Variants in PIBF1 observed in about 807,000 individuals in gnomAD.
The protein encoded by PIBF1 is progesterone-induced-blocking factor 1.
In PIBF1, 90 loss-of-function variants were observed where a neutral mutation model predicts 112.5. The observed-to-expected ratio is 0.80, with a 90% CI of 0.67 to 0.95. PIBF1 has a LOEUF of 0.95. Among genes scored for constraint, PIBF1 ranks in the 40% least tolerant of loss-of-function variants. The pLI is 0.00. For synonymous variants in PIBF1, 301 were observed against 288.6 expected (o/e 1.04, Z -0.44); for missense variants, 915 against 852.3 (o/e 1.07, Z -0.92).
At chr13:72,812,297 G>T (rs2036058500) in intron 5 of PIBF1, among the ~76,000 whole-genome samples, 1 of 152,000 alleles carries the variant, frequency 6.6e-6, no homozygotes, top group African/African-American at 2.4e-5. Flanking sequence ...TTTTTTTAAT[G>T]ACCTCAGAAA....
intron 17 of PIBF1, among the ~76,000 whole-genome samples, chr13:73,013,326 A>AAG (rs2044274153): frequency 6.7e-6 from 1 of 149,454 alleles, no homozygotes; most frequent in African/African-American, 2.5e-5. Flanking sequence ...AAAAAAAAAA[A>AAG]GAAAATATTA....
intron 17 of PIBF1, among the ~76,000 whole-genome samples, chr13:73,007,968 A>AT (rs1196201482): frequency 6.6e-6 from 1 of 152,224 alleles, no homozygotes; most frequent in Non-Finnish European, 1.5e-5. Flanking sequence ...TGGCTAGCAC[A>AT]TTACTGACTA....
At chr13:72,807,865 A>G (rs2035814642) in intron 5 of PIBF1, among the ~76,000 whole-genome samples, 1 of 152,228 alleles carries the variant, frequency 6.6e-6, no homozygotes, top group African/African-American at 2.4e-5. Context: ...TTTCACAATG[A>G]CACCAGTATA....
Position 72,956,750 on chromosome 13 carries a change from G to A in PIBF1, c.1834-8524G>A, listed in dbSNP as rs566619286. On this transcript the variant is annotated intron_variant, in intron 14 of 17. Coordinates refer to ENST00000326291, the MANE Select transcript of PIBF1 (RefSeq NM_006346.4). ...TTTTCTCTGTTCTTACACCTCAGGA[G>A]AGATTCTAAAACATTAGACGAAGTC... Among the ~76,000 whole-genome samples, 11 of 152,248 alleles carry A rather than the reference G, an allele frequency of 7.2e-5. No homozygotes were observed. In the South Asian group the frequency reaches 2.1e-3, roughly 29 times the overall value.
At chr13:72,956,135 CATT>C (rs974570445) in intron 14 of PIBF1, among the ~76,000 whole-genome samples, 3 of 152,096 alleles carry the variant, frequency 2.0e-5, no homozygotes, top group African/African-American at 7.2e-5. Context: ...TGCTTGGAAG[CATT>C]ATGAATTCAT....
intron 11 of PIBF1, among the ~76,000 whole-genome samples, chr13:72,906,524 T>G (rs1261912140): frequency 3.3e-5 from 5 of 152,126 alleles, no homozygotes; most frequent in Non-Finnish European, 5.9e-5. Flanking sequence ...AAGTTCTCTT[T>G]GGCATTTCAG....
At chr13:73,010,455 T>G (rs1312208210) in intron 17 of PIBF1, among the ~76,000 whole-genome samples, 2 of 151,762 alleles carry the variant, frequency 1.3e-5, no homozygotes, top group Non-Finnish European at 2.9e-5. Context: ...ATACAAAAAT[T>G]AGCCAGGGGT....
chr13:72,975,487 G>A (rs1248000793), intron 16 of PIBF1, among the ~76,000 whole-genome samples: 3 of 152,152 alleles, frequency 2.0e-5, no homozygotes, highest in African/African-American at 4.8e-5. Flanking sequence ...AACTATTACT[G>A]GAAGCAGTTC....
intron 14 of PIBF1, among the ~76,000 whole-genome samples, chr13:72,958,012 A>G (rs1387179392): frequency 6.6e-6 from 1 of 151,896 alleles, no homozygotes; most frequent in Admixed American, 6.6e-5. Flanking sequence ...CATGCACTAT[A>G]GTTTTAGCCA....
Position 72,936,630 on chromosome 13 carries a change from ACT to A in PIBF1, c.1833+5368_1833+5369del, listed in dbSNP as rs1386752756. Reference sequence around the variant, plus strand: ...TCATTTATGTGTGAGACTGTTCTCGACTCTCTGTTCCAGTTATCTGTCTTTAT... The same window carrying A: ...TCATTTATGTGTGAGACTGTTCTCGACTCTGTTCCAGTTATCTGTCTTTAT... On this transcript the variant is annotated intron_variant, in intron 14 of 17. Transcript: ENST00000326291. 5.3e-5 allele frequency among the ~76,000 whole-genome samples: 8 copies of A among 152,008 alleles called. No homozygotes were observed. In the East Asian group the frequency reaches 7.8e-4, roughly 15 times the overall value.
intron 10 of PIBF1, among the ~76,000 whole-genome samples, chr13:72,874,807 G>T (rs2039324507): frequency 6.6e-6 from 1 of 152,118 alleles, no homozygotes; most frequent in Non-Finnish European, 1.5e-5. Flanking sequence ...CTGCAAAATT[G>T]AAAGGAGGTA....
chr13:72,807,196 A>T (rs2035783139), intron 5 of PIBF1, among the ~76,000 whole-genome samples: 1 of 151,826 alleles, frequency 6.6e-6, no homozygotes, highest in Non-Finnish European at 1.5e-5. Flanking sequence ...AAAAAGGAAT[A>T]AAAAGAACTA....
At chr13:72,852,632 G>GC (rs1356743884) in intron 9 of PIBF1, among the ~76,000 whole-genome samples, 3 of 152,120 alleles carry the variant, frequency 2.0e-5, no homozygotes, top group Non-Finnish European at 4.4e-5. Context: ...ACAAAGTGAC[G>GC]CCCCAAGGAT....
intron 17 of PIBF1, among the ~76,000 whole-genome samples, chr13:73,009,978 C>A (rs1275595460): frequency 6.6e-6 from 1 of 152,104 alleles, no homozygotes; most frequent in African/African-American, 2.4e-5. Flanking sequence ...TACCTTCTCC[C>A]TGTAAACACA....
chr13:72,971,588 TC>T (rs1465102743), intron 15 of PIBF1, among the ~76,000 whole-genome samples: 4 of 152,274 alleles, frequency 2.6e-5, no homozygotes, highest in African/African-American at 7.2e-5. Context: ...ACTGTTTTAC[TC>T]TGATGCCTAT....
chr13:72,918,998 C>T (rs1010430415), intron 13 of PIBF1, among the ~76,000 whole-genome samples: 17 of 152,176 alleles, frequency 1.1e-4, no homozygotes, highest in East Asian at 3.8e-4. Context: ...GCTACCACGC[C>T]GTGCCAACTA....
In PIBF1 at chr13:72,795,485, G is replaced by A; in HGVS notation, c.480G>A (p.Glu160=). The change falls in exon 4 of 18, where the codon GAG becomes GAA. Residue 160 remains glutamate, a synonymous_variant. Coordinates refer to ENST00000326291, the MANE Select transcript of PIBF1 (RefSeq NM_006346.4). ...TTCGTCGAAACCTGCGTGACTTTGAGTTGACAGAAGAGCAATATATTAAAT... is the reference window on the plus strand; with the variant it reads ...TTCGTCGAAACCTGCGTGACTTTGAATTGACAGAAGAGCAATATATTAAAT... The part of the protein sequence containing the change: ...GDVRRNLRDF[E]LTEEQYIKLK... The A allele has an allele frequency of 6.2e-7, 1 of 1,609,876 alleles. No individual in the cohort carries two copies. Among genetic ancestry groups the A allele is most frequent in the Non-Finnish European group, 8.5e-7 (1 of 1,178,408 alleles).
chr13:72,792,661 GAT>G, intron 3 of PIBF1, 114 bp downstream of exon 3: 1 of 581,682 alleles, frequency 1.7e-6, no homozygotes, highest in Non-Finnish European at 3.0e-6. Flanking sequence ...TTAAGTCAGA[GAT>G]AGCAATAATT....
chr13:73,013,293 T>C (rs1594370767), intron 17 of PIBF1, among the ~76,000 whole-genome samples: 1 of 110,346 alleles, frequency 9.1e-6, no homozygotes, highest in Non-Finnish European at 1.7e-5. Context: ...AGAGCGAGAC[T>C]CTGTCTCAAA....
Sources: allele counts gnomAD v4.1 joint callset (sites outside exome capture counted in the v4.1 genomes callset), GRCh38; gene constraint gnomAD v4.1.1; transcripts MANE v1.5; gene names NCBI Gene and HGNC (gene_info 2026-07-23, HGNC 2026-07-21).